Variants in CMC2 observed in about 807,000 individuals in gnomAD.
CMC2 encodes COX assembly mitochondrial protein 2 homolog.
CMC2 carries 5 observed loss-of-function variants against 7.5 expected under a neutral mutation model. The ratio of observed to expected loss-of-function variants is 0.66; its 90% CI spans 0.35 to 1.40. The LOEUF is 1.40. Ranked by LOEUF, CMC2 falls within the 40% of genes most tolerant of loss-of-function variation. The pLI is 0.04. For synonymous variants in CMC2, 37 were observed against 31.4 expected (o/e 1.18, Z -0.60); for missense variants, 115 against 92.3 (o/e 1.25, Z -1.01).
Position 80,969,988 on chromosome 16 carries a change from A to T in CMC2, c.*6105T>A, listed in dbSNP as rs1250306839. The T allele has an allele frequency of 6.6e-6, 1 of 152,214 alleles. No individual in the cohort carries two copies. The highest frequency in any genetic ancestry group is 2.4e-5 in the African/African-American group (1 of 41,450). 9.4% of individuals were successfully genotyped at this position (152,214 alleles called of 1,614,324 possible). A position where few individuals can be genotyped will look rare whatever the true frequency, so the allele number is the denominator to read the frequency against. ...TCAGACAACCAAAATGACTAGGGAGATATTAACACAAGACTAGCGGTGAGC... is the reference window on the plus strand; with the variant it reads ...TCAGACAACCAAAATGACTAGGGAGTTATTAACACAAGACTAGCGGTGAGC... On this transcript the variant is annotated 3_prime_UTR_variant, in exon 4 of 4. Transcript: ENST00000219400.
At chr16:80,994,224 T>C (rs1367038507) in intron 2 of CMC2, among the ~76,000 whole-genome samples, 1 of 151,878 alleles carries the variant, frequency 6.6e-6, no homozygotes, top group Non-Finnish European at 1.5e-5. Context: ...AATACACAAA[T>C]ATCAAAAGAA....
At chr16:80,997,293 G>C (rs1260061498) in intron 2 of CMC2, 21 bp downstream of exon 2, 1 of 1,275,066 alleles carries the variant, frequency 7.8e-7, no homozygotes, top group Non-Finnish European at 1.1e-6. Context: ...TGGCTGTACA[G>C]TCGTTTTTCT....
rs1477268014 is a variant in CMC2, at chr16:80,981,812, C to A, written c.147G>T (p.Lys49Asn). Residue 49 changes from lysine (K) to asparagine (N), a missense_variant, in exon 3 of 4, where the codon AAG becomes AAT. Transcript: ENST00000219400. The part of the protein sequence containing the change: ...DVDRELRKCL[K>N]NEYVENRTKS... ...CCTTTGACACTTTTCTTACCTCATT[C>A]TTCAGGCATTTTCTCAACTCCCGAT... 1 of 1,604,276 alleles carries A rather than the reference C, an allele frequency of 6.2e-7. No homozygotes were observed. The highest frequency in any genetic ancestry group is 8.5e-7 in the Non-Finnish European group (1 of 1,172,378).
chr16:80,986,676 G>C (rs895239292), intron 2 of CMC2, among the ~76,000 whole-genome samples: 10 of 152,240 alleles, frequency 6.6e-5, no homozygotes, highest in Non-Finnish European at 1.3e-4. Context: ...AGAACACACA[G>C]CCCTGGTAAG....
intron 3 of CMC2, among the ~76,000 whole-genome samples, chr16:80,981,446 G>T (rs912369172): frequency 8.5e-5 from 13 of 152,108 alleles, no homozygotes; most frequent in Non-Finnish European, 1.8e-4. Context: ...TTTATATATA[G>T]AAATTGAGGC....
chr16:80,998,465 T>C (rs536211291), intron 1 of CMC2: 1 of 152,144 alleles, frequency 6.6e-6, no homozygotes, highest in Non-Finnish European at 1.5e-5. Flanking sequence ...GAAACTGGTA[T>C]AGCAGTTCCT....
intron 2 of CMC2, among the ~76,000 whole-genome samples, chr16:80,990,567 T>C (rs1207800784): frequency 6.6e-6 from 1 of 152,254 alleles, no homozygotes; most frequent in Non-Finnish European, 1.5e-5. Context: ...GGTTATCTTG[T>C]TTCTTTTTGC....
In CMC2 at chr16:80,976,125, G is replaced by C. The variant is rs201310266; in HGVS notation, c.208C>G (p.Leu70Val). 1.9e-6 allele frequency: 3 copies of C among 1,609,892 alleles called. No individual in the cohort carries two copies. The East Asian group carries it at 6.7e-5, about 36-fold the overall frequency. Reference sequence around the variant, plus strand: ...TCGGATTCCTCTGGAGGATTAAAAAGTTTCTTTCGCATTGCAATGCCATGC... The same window carrying C: ...TCGGATTCCTCTGGAGGATTAAAAACTTTCTTTCGCATTGCAATGCCATGC... ...REHGIAMRKKLFNPPEESEK is the reference protein window; with the variant it reads ...REHGIAMRKKVFNPPEESEK The change falls in exon 4 of 4, where the codon CTT (leucine) becomes GTT (valine). Residue 70 changes from leucine to valine, a missense_variant. Transcript: ENST00000219400.
At chr16:80,985,921 A>C (rs1967491826) in intron 2 of CMC2, among the ~76,000 whole-genome samples, 3 of 151,024 alleles carry the variant, frequency 2.0e-5, no homozygotes, top group Non-Finnish European at 2.9e-5. Flanking sequence ...AAAAAAAACC[A>C]CAGGAATGAA....
Position 80,973,119 on chromosome 16 carries a change from A to T in CMC2, c.*2974T>A, listed in dbSNP as rs1480038434. On this transcript the variant is annotated 3_prime_UTR_variant, in exon 4 of 4. Transcript: ENST00000219400. ...GGGGAAAGTCAGCAAGGCTGATGAG[A>T]TGTAAAGCATGGAATAAGATGCAGC... 3 of 152,296 alleles carry T rather than the reference A, an allele frequency of 2.0e-5. No homozygotes were observed. Among genetic ancestry groups the T allele is most frequent in the African/African-American group, 7.2e-5 (3 of 41,462 alleles). The allele number at this position is 152,296 out of a possible 1,614,324, so 9.4% of individuals were successfully genotyped here. A position where few individuals can be genotyped will look rare whatever the true frequency, so the allele number is the denominator to read the frequency against.
At chr16:81,002,056 A>G (rs1968905896) in intron 1 of CMC2, among the ~76,000 whole-genome samples, 1 of 152,234 alleles carries the variant, frequency 6.6e-6, no homozygotes, top group African/African-American at 2.4e-5. Flanking sequence ...CCAATATCGT[A>G]CCAATATTCT....
rs937541322 is a variant in CMC2 at position 80,969,691 on chromosome 16, C to G, written c.*6402G>C. The G allele has an allele frequency of 1.3e-5, 2 of 152,272 alleles. No homozygotes were observed. Among genetic ancestry groups the G allele is most frequent in the Non-Finnish European group, 2.9e-5 (2 of 68,178 alleles). The allele number at this position is 152,272 out of a possible 1,614,324, so 9.4% of individuals were successfully genotyped here. A position where few individuals can be genotyped will look rare whatever the true frequency, so the allele number is the denominator to read the frequency against. Reference sequence around the variant, plus strand: ...TCACTTGAGGTCGGGAGTTCAAGACCAGCCTGGGCAACATGGTGAAACCCC... The same window carrying G: ...TCACTTGAGGTCGGGAGTTCAAGACGAGCCTGGGCAACATGGTGAAACCCC... On this transcript the variant is annotated 3_prime_UTR_variant, in exon 4 of 4. Coordinates refer to ENST00000219400, the MANE Select transcript of CMC2 (RefSeq NM_020188.5).
At chr16:80,978,910 T>A (rs1031808941) in intron 3 of CMC2, among the ~76,000 whole-genome samples, 1 of 151,816 alleles carries the variant, frequency 6.6e-6, no homozygotes, top group African/African-American at 2.4e-5. Context: ...TGAAGCCCCG[T>A]CTCTACTAAA....
chr16:80,978,605 C>T (rs1265562516), intron 3 of CMC2, among the ~76,000 whole-genome samples: 6 of 151,850 alleles, frequency 4.0e-5, no homozygotes, highest in Non-Finnish European at 7.4e-5. Flanking sequence ...TGCAGTGGCT[C>T]ACACCTGTAA....
At chr16:81,006,507 C>G (rs1969354417) in intron 1 of CMC2, 1 of 171,090 alleles carries the variant, frequency 5.8e-6, no homozygotes, top group Non-Finnish European at 1.2e-5. Context: ...CGAGCGACGC[C>G]CACGGCCTGT....
At chr16:80,993,764 A>C (rs368844157) in intron 2 of CMC2, among the ~76,000 whole-genome samples, 1 of 152,348 alleles carries the variant, frequency 6.6e-6, no homozygotes, top group South Asian at 2.1e-4. Flanking sequence ...GCTGATACAA[A>C]AGATAAAATC....
chr16:81,004,461 C>G (rs1969094340), intron 1 of CMC2, among the ~76,000 whole-genome samples: 2 of 152,216 alleles, frequency 1.3e-5, no homozygotes, highest in African/African-American at 4.8e-5. Context: ...ATCAGTTTGT[C>G]AGTCTCATCT....
chr16:81,006,029 G>A (rs1274893409), intron 1 of CMC2, among the ~76,000 whole-genome samples: 1 of 152,116 alleles, frequency 6.6e-6, no homozygotes, highest in Non-Finnish European at 1.5e-5. Context: ...ATAAAGGAGA[G>A]GAGATACGAA....
chr16:80,998,626 A>G (rs952562497), intron 1 of CMC2: 6 of 152,250 alleles, frequency 3.9e-5, no homozygotes, highest in Non-Finnish European at 8.8e-5. Flanking sequence ...GAAGCAACCC[A>G]AGAGTCCAAC....
Sources: allele counts gnomAD v4.1 joint callset (sites outside exome capture counted in the v4.1 genomes callset), GRCh38; gene constraint gnomAD v4.1.1; transcripts MANE v1.5; gene names NCBI Gene and HGNC (gene_info 2026-07-23, HGNC 2026-07-21).